USP34: variants seen among roughly 807,000 people sequenced by gnomAD.
USP34 encodes the protein ubiquitin specific peptidase 34, also known as ubiquitin carboxyl-terminal hydrolase 34.
A neutral mutation model predicts 460.3 loss-of-function variants in USP34; 70 were observed. That is an observed-to-expected ratio of 0.15 (90% confidence interval 0.13 to 0.19). USP34 has a LOEUF of 0.19. Among genes scored for constraint, USP34 ranks in the 10% least tolerant of loss-of-function variants. USP34 has a pLI of 1.00. For synonymous variants in USP34, 1,647 were observed against 1,405.3 expected (o/e 1.17, Z -3.85); for missense variants, 3,985 against 4,236.2 (o/e 0.94, Z 1.65).
chr2:61,338,766 C>T (rs1691502209), intron 18 of USP34, among the ~76,000 whole-genome samples: 1 of 151,840 alleles, frequency 6.6e-6, no homozygotes, highest in Non-Finnish European at 1.5e-5. Context: ...AGGCAGAATT[C>T]AAACAAGAGA....
rs1290386006 is a variant in USP34 at position 61,187,859 on chromosome 2, A to C, written c.*243T>G. The C allele has an allele frequency of 1.5e-6, 2 of 1,301,380 alleles. No homozygotes were observed. The highest frequency in any genetic ancestry group is 3.3e-5 in the East Asian group (1 of 30,716). The allele number at this position is 1,301,380 out of a possible 1,614,324, so 80.6% of individuals were successfully genotyped here. A position where few individuals can be genotyped will look rare whatever the true frequency, so the allele number is the denominator to read the frequency against. ...AGCCATATTAAATGAAAGCCACTAA[A>C]GTGAACTCTTAATTACATAAAACAT... On this transcript the variant is annotated 3_prime_UTR_variant, in exon 80 of 80. Transcript: ENST00000398571.
chr2:61,306,232 G>A (rs1358548640), intron 27 of USP34, among the ~76,000 whole-genome samples: 4 of 152,158 alleles, frequency 2.6e-5, no homozygotes, highest in African/African-American at 9.7e-5. Context: ...AATCCATCTT[G>A]AATTATTTTT....
chr2:61,295,340 A>G, intron 30 of USP34, 50 bp from the exon 31 acceptor site: 2 of 1,533,646 alleles, frequency 1.3e-6, no homozygotes, highest in Non-Finnish European at 1.7e-6. Flanking sequence ...AGGGAACACA[A>G]AAAAGAAAAA....
At chr2:61,225,885 A>G (rs888706661) in intron 62 of USP34, among the ~76,000 whole-genome samples, 1 of 152,244 alleles carries the variant, frequency 6.6e-6, no homozygotes, top group Non-Finnish European at 1.5e-5. Context: ...TATTTTCCCT[A>G]TAAGTCATAT....
At chr2:61,376,546 A>G (rs1328567823) in intron 8 of USP34, among the ~76,000 whole-genome samples, 1 of 152,222 alleles carries the variant, frequency 6.6e-6, no homozygotes, top group Non-Finnish European at 1.5e-5. Context: ...TGAATATCAC[A>G]TTAGCAATTA....
chr2:61,410,087 C>G (rs572963811), intron 2 of USP34, among the ~76,000 whole-genome samples: 1 of 152,182 alleles, frequency 6.6e-6, no homozygotes, highest in Admixed American at 6.5e-5. Flanking sequence ...AAGACAATTT[C>G]TCCAAGGACC....
rs186210718 is a variant in USP34, at chr2:61,266,343, C to T, written c.5434-176G>A. On this transcript the variant is annotated intron_variant, in intron 41 of 79. Transcript: ENST00000398571. Reference sequence around the variant, plus strand: ...CATTTCTCTTAAGAGAAAACGAAGGCGGCGATCAACTTTTACTCTTCTCTC... The same window carrying T: ...CATTTCTCTTAAGAGAAAACGAAGGTGGCGATCAACTTTTACTCTTCTCTC... Among the ~76,000 whole-genome samples the T allele has an allele frequency of 1.4e-3, 217 of 152,276 alleles. 2 individuals carry two copies. The highest frequency in any genetic ancestry group is 0.011 in the Admixed American group (172 of 15,300).
rs370040712 is a variant in USP34, at chr2:61,231,625, G to A, written c.7113+827C>T. Among the ~76,000 whole-genome samples the A allele has an allele frequency of 2.7e-4, 41 of 152,112 alleles. 1 individual carries two copies. In the East Asian group the frequency reaches 6.2e-3, roughly 23 times the overall value. On this transcript the variant is annotated intron_variant, in intron 58 of 79. Coordinates refer to ENST00000398571, the MANE Select transcript of USP34 (RefSeq NM_014709.4). Reference sequence around the variant, plus strand: ...AGCTACTCAGGAGGCTGAGGTGGGAGAATTGCTTGAGCCCAGGAGGTGGAA... The same window carrying A: ...AGCTACTCAGGAGGCTGAGGTGGGAAAATTGCTTGAGCCCAGGAGGTGGAA...
intron 76 of USP34, among the ~76,000 whole-genome samples, chr2:61,191,744 A>C (rs1572821589): frequency 6.6e-6 from 1 of 152,364 alleles, no homozygotes; most frequent in East Asian, 1.9e-4. Context: ...AGCAATAGGT[A>C]GTGGGAGAGT....
intron 10 of USP34, among the ~76,000 whole-genome samples, chr2:61,359,796 T>G (rs1692219692): frequency 1.4e-5 from 2 of 146,558 alleles, no homozygotes; most frequent in South Asian, 2.3e-4. Context: ...TTTTTTTTTT[T>G]TTTTTTGAGA....
chr2:61,381,015 C>T (rs1429151192), intron 6 of USP34, among the ~76,000 whole-genome samples: 4 of 152,208 alleles, frequency 2.6e-5, no homozygotes, highest in East Asian at 1.9e-4. Context: ...CTAGCATGCT[C>T]GTTAAGAGTC....
intron 2 of USP34, among the ~76,000 whole-genome samples, chr2:61,409,950 T>C (rs538667323): frequency 2.0e-5 from 3 of 152,316 alleles, no homozygotes; most frequent in Non-Finnish European, 2.9e-5. Flanking sequence ...GTATATTACA[T>C]AAATAATACT....
At chr2:61,454,868 TTC>T (rs58340312) in intron 1 of USP34, among the ~76,000 whole-genome samples, 34,878 of 99,104 alleles carry the variant, frequency 0.35, 4,691 homozygotes, top group East Asian at 0.55. Flanking sequence ...GGTTTTTTTT[TTC>T]TTTTTTTTTT....
intron 76 of USP34, 74 bp from the exon 77 acceptor site, chr2:61,190,732 GA>G: frequency 6.6e-7 from 1 of 1,516,014 alleles, no homozygotes. Flanking sequence ...AACTTACACA[GA>G]AAAAACATAC....
intron 1 of USP34, among the ~76,000 whole-genome samples, chr2:61,440,014 A>G (rs1230741911): frequency 3.3e-5 from 5 of 152,168 alleles, no homozygotes; most frequent in African/African-American, 1.2e-4. Context: ...GAGCTCCCCA[A>G]GACAAGCTGC....
chr2:61,365,149 G>A (rs1000502676), intron 10 of USP34, among the ~76,000 whole-genome samples: 1 of 151,708 alleles, frequency 6.6e-6, no homozygotes. Flanking sequence ...CTACTCAGGA[G>A]GCTGAGGCAG....
intron 67 of USP34, among the ~76,000 whole-genome samples, chr2:61,218,064 A>T (rs1393516258): frequency 6.6e-6 from 1 of 152,018 alleles, no homozygotes; most frequent in Non-Finnish European, 1.5e-5. Flanking sequence ...AATAATATTA[A>T]ACAATGCCAC....
chr2:61,232,548 A>G lies in USP34; in HGVS notation c.7033-16T>C, dbSNP rs1361256575. ...CTAAAAACCACTGTTAAAAAAAAAT[A>G]CAGCATGACTTTAACATTCAACAAA... is the stretch of plus-strand genomic sequence containing the variant. On this transcript the variant is annotated splice_polypyrimidine_tract_variant and intron_variant, in intron 57 of 79. Transcript: ENST00000398571. 1.9e-6 allele frequency: 3 copies of G among 1,587,550 alleles called. No homozygotes were observed. The East Asian group carries it at 6.8e-5, about 36-fold the overall frequency.
intron 5 of USP34, among the ~76,000 whole-genome samples, chr2:61,385,722 A>G (rs1693121240): frequency 6.8e-6 from 1 of 146,628 alleles, no homozygotes; most frequent in Non-Finnish European, 1.5e-5. Flanking sequence ...AGCTGGGTGC[A>G]GTGACTCAGG....
Sources: gnomAD v4.1 joint callset for allele counts (sites outside exome capture counted in the v4.1 genomes callset) on GRCh38, gnomAD v4.1.1 for gene constraint, MANE v1.5 for transcripts, NCBI Gene and HGNC (gene_info 2026-07-23, HGNC 2026-07-21) for gene names.